Variants in MAGI3 observed in about 807,000 individuals in gnomAD.
The protein encoded by MAGI3 is membrane associated guanylate kinase, WW and PDZ domain containing 3, also known as membrane-associated guanylate kinase, WW and PDZ domain-containing protein 3.
MAGI3 carries 43 observed loss-of-function variants against 121.8 expected under a neutral mutation model. The ratio of observed to expected loss-of-function variants is 0.35; its 90% CI spans 0.28 to 0.46. The LOEUF is 0.46. MAGI3 is among the 20% of genes least tolerant of loss of function. The pLI, the probability that MAGI3 is intolerant of heterozygous loss-of-function variation, is 1.00. For missense variants in MAGI3, 1,547 were observed against 1,797.3 expected (o/e 0.86, Z 2.52); for synonymous variants, 553 against 639.3 (o/e 0.86, Z 2.04).
At chr1:113,548,701 G>A (rs2101667256) in intron 1 of MAGI3, among the ~76,000 whole-genome samples, 1 of 152,230 alleles carries the variant, frequency 6.6e-6, no homozygotes, top group African/African-American at 2.4e-5. Context: ...GATATCTGAG[G>A]GGACCCTAAA....
In MAGI3 at chr1:113,672,672, G is replaced by C. The variant is rs1365195953; in HGVS notation, c.2976G>C (p.Trp992Cys). Residue 992 changes from tryptophan (W) to cysteine (C), a missense_variant, in exon 18 of 21, where the codon TGG becomes TGC. Physicochemically the swap from Trp to Cys is radical, Grantham distance 215 (BLOSUM62 -2). Transcript: ENST00000307546. ...KDVSTSYRHS[W>C]SDHKHLAQPD... is the part of the protein sequence containing the mutation. ...TCTCCACTTCTTACAGACATTCTTG[G>C]TCAGACCACAAGCACCTTGCACAGC... 1 of 1,614,050 alleles carries C rather than the reference G, an allele frequency of 6.2e-7. No individual in the cohort carries two copies. The highest frequency in any genetic ancestry group is 1.1e-5 in the South Asian group (1 of 91,068).
chr1:113,619,548 T>C (rs1650690582), intron 7 of MAGI3, among the ~76,000 whole-genome samples, 188 bp from the exon 8 acceptor site: 1 of 152,230 alleles, frequency 6.6e-6, no homozygotes, highest in Non-Finnish European at 1.5e-5. Context: ...CAGCTTGGCA[T>C]CTTCTGCAGG....
At chr1:113,432,428 C>T (rs781121798) in intron 1 of MAGI3, among the ~76,000 whole-genome samples, 11 of 152,096 alleles carry the variant, frequency 7.2e-5, no homozygotes, top group Non-Finnish European at 1.5e-4. Context: ...TGCTTTTAAC[C>T]ACTATGCTAT....
intron 1 of MAGI3, among the ~76,000 whole-genome samples, chr1:113,406,092 G>C: frequency 6.6e-6 from 1 of 151,644 alleles, no homozygotes; most frequent in Non-Finnish European, 1.5e-5. Flanking sequence ...TTAGAGATTT[G>C]AACTGGATTG....
intron 1 of MAGI3, among the ~76,000 whole-genome samples, chr1:113,456,936 C>T (rs1247484073): frequency 6.7e-6 from 1 of 150,078 alleles, no homozygotes; most frequent in African/African-American, 2.5e-5. Context: ...AAAGGAGATA[C>T]AGTTCCCATT....
At chr1:113,434,915 GC>G (rs1022254640) in intron 1 of MAGI3, among the ~76,000 whole-genome samples, 3 of 151,782 alleles carry the variant, frequency 2.0e-5, no homozygotes, top group African/African-American at 4.8e-5. Flanking sequence ...TTTCATTTTG[GC>G]CCCAAACCAT....
In MAGI3 at chr1:113,492,659, G is replaced by C. The variant is rs117592132; in HGVS notation, c.317-56856G>C. On this transcript the variant is annotated intron_variant, in intron 1 of 20. Transcript: ENST00000307546. ...ATACCTAGAAAACACCCCAGTCCCA[G>C]CCCAAAAGCTCCTCCAGCTGATACA... Among the ~76,000 whole-genome samples, 15 of 152,230 alleles carry C rather than the reference G, an allele frequency of 9.9e-5. No individual in the cohort carries two copies. The East Asian group carries it at 2.9e-3, about 29-fold the overall frequency.
At position 113,600,829 on chromosome 1, in the gene MAGI3, G is replaced by C. The variant is rs528727763; in HGVS notation, c.1018+6269G>C. ...CTACCTGACTTCAACCTACTACAAG[G>C]CTACAGTAACCAAAACAGCATGGTA... On this transcript the variant is annotated intron_variant, in intron 6 of 20. Coordinates refer to ENST00000307546, the MANE Select transcript of MAGI3 (RefSeq NM_001142782.2). 3.5e-4 allele frequency among the ~76,000 whole-genome samples: 54 copies of C among 152,214 alleles called. No homozygotes were observed. The East Asian group carries it at 9.8e-3, about 28-fold the overall frequency.
In MAGI3 at chr1:113,663,235, A is replaced by AATATATATATAT. The variant is rs3081634; in HGVS notation, c.2815+3981_2815+3992dup. 1.7e-3 allele frequency among the ~76,000 whole-genome samples: 250 copies of AATATATATATAT among 144,056 alleles called. 2 individuals carry two copies. The highest frequency in any genetic ancestry group is 7.4e-3 in the South Asian group (33 of 4,456). 94.5% of individuals were successfully genotyped at this position (144,056 alleles called of 152,430 possible). On this transcript the variant is annotated intron_variant, in intron 16 of 20. Transcript: ENST00000307546. ...AGTGAAACTCCATCTCAAAAACAGA[A>AATATATATATAT]ATATATATATATATATATATATGCA...
intron 1 of MAGI3, among the ~76,000 whole-genome samples, chr1:113,403,502 A>G (rs1651515454): frequency 6.6e-6 from 1 of 152,194 alleles, no homozygotes; most frequent in Non-Finnish European, 1.5e-5. Context: ...TAAATTCTTA[A>G]TAGTGGCTGT....
Position 113,646,600 on chromosome 1 carries a change from T to C in MAGI3, c.2113T>C (p.Ser705Pro). ...IRSGSPKLDP[S>P]EVYLKSKTLY... is the part of the protein sequence containing the mutation. ...GTCAGGATCCCCAAAATTGGATCCTTCTGAGGTCTACCTGAAATCTAAGAC... is the reference window on the plus strand; with the variant it reads ...GTCAGGATCCCCAAAATTGGATCCTCCTGAGGTCTACCTGAAATCTAAGAC... Residue 705 changes from serine (S) to proline (P), a missense_variant, in exon 12 of 21, where the codon TCT (serine) becomes CCT (proline). Transcript: ENST00000307546. The C allele has an allele frequency of 6.2e-7, 1 of 1,611,220 alleles. No individual in the cohort carries two copies. Among genetic ancestry groups the C allele is most frequent in the Non-Finnish European group, 8.5e-7 (1 of 1,178,690 alleles).
intron 12 of MAGI3, among the ~76,000 whole-genome samples, chr1:113,648,818 G>A (rs1652996057): frequency 2.0e-5 from 3 of 152,094 alleles, no homozygotes. Flanking sequence ...CAGGAATAAG[G>A]TATTTTACAG....
intron 2 of MAGI3, among the ~76,000 whole-genome samples, chr1:113,577,551 C>A (rs567459328): frequency 1.4e-5 from 2 of 147,236 alleles, no homozygotes; most frequent in Admixed American, 1.4e-4. Flanking sequence ...TTATGGAATG[C>A]GAAAAGTAAT....
At chr1:113,554,418 G>A (rs1190683267) in intron 2 of MAGI3, among the ~76,000 whole-genome samples, 3 of 151,510 alleles carry the variant, frequency 2.0e-5, no homozygotes, top group Non-Finnish European at 2.9e-5. Context: ...TGAAACTGAA[G>A]CATAGAGAAG....
intron 1 of MAGI3, among the ~76,000 whole-genome samples, chr1:113,397,591 A>AT (rs1407233660): frequency 6.6e-6 from 1 of 152,210 alleles, no homozygotes; most frequent in Non-Finnish European, 1.5e-5. Flanking sequence ...ATTGGAAATT[A>AT]TTTTGTACAA....
At chr1:113,538,661 T>C (rs1659116399) in intron 1 of MAGI3, among the ~76,000 whole-genome samples, 1 of 152,242 alleles carries the variant, frequency 6.6e-6, no homozygotes, top group Non-Finnish European at 1.5e-5. Flanking sequence ...GGTCCCATCT[T>C]ACTTTGCCCT....
At chr1:113,562,709 C>T (rs1660288503) in intron 2 of MAGI3, among the ~76,000 whole-genome samples, 1 of 152,108 alleles carries the variant, frequency 6.6e-6, no homozygotes, top group Non-Finnish European at 1.5e-5. Flanking sequence ...GGAGGAAGGA[C>T]AGCATCAGTA....
At chr1:113,596,576 A>G (rs1649023736) in intron 6 of MAGI3, among the ~76,000 whole-genome samples, 1 of 152,184 alleles carries the variant, frequency 6.6e-6, no homozygotes, top group African/African-American at 2.4e-5. Flanking sequence ...TGCAATATAT[A>G]TTTGCCAAAG....
At chr1:113,622,777 T>G in intron 8 of MAGI3, 29 bp from the exon 9 acceptor site, 2 of 1,535,374 alleles carry the variant, frequency 1.3e-6, no homozygotes, top group Non-Finnish European at 1.7e-6. Context: ...TTATTTTTGT[T>G]CTCAAACCCA....
Sources: gnomAD v4.1 joint callset for allele counts (sites outside exome capture counted in the v4.1 genomes callset) on GRCh38, gnomAD v4.1.1 for gene constraint, MANE v1.5 for transcripts, NCBI Gene and HGNC (gene_info 2026-07-23, HGNC 2026-07-21) for gene names.